Variants in SLC4A4 observed in about 807,000 individuals in gnomAD.
SLC4A4 encodes the protein electrogenic sodium bicarbonate cotransporter 1.
Under a neutral mutation model 111.5 loss-of-function variants are expected in SLC4A4, and 27 were observed. That is an observed-to-expected ratio of 0.24 (90% CI 0.18 to 0.33). The LOEUF is 0.33. SLC4A4 is among the 10% of genes least tolerant of loss of function. The pLI, the probability that SLC4A4 is intolerant of heterozygous loss-of-function variation, is 1.00. For missense variants in SLC4A4, 909 were observed against 1,315.5 expected, an observed-to-expected ratio of 0.69 and a Z score of 4.78; for synonymous variants, 443 against 463.4, an observed-to-expected ratio of 0.96 and a Z score of 0.57.
chr4:71,095,476 A>G (rs971298072), intron 2 of SLC4A4, among the ~76,000 whole-genome samples: 1 of 152,220 alleles, frequency 6.6e-6, no homozygotes, highest in Non-Finnish European at 1.5e-5. Flanking sequence ...GGACTTTCTA[A>G]TTAGCTGCTT....
chr4:71,553,831 G>A (rs545416914), intron 20 of SLC4A4, among the ~76,000 whole-genome samples: 1 of 151,926 alleles, frequency 6.6e-6, no homozygotes, highest in African/African-American at 2.4e-5. Context: ...AGGTATTACA[G>A]CTTCCCCAGC....
At chr4:71,356,275 T>C (rs1395475842) in intron 5 of SLC4A4, among the ~76,000 whole-genome samples, 1 of 152,158 alleles carries the variant, frequency 6.6e-6, no homozygotes, top group Non-Finnish European at 1.5e-5. Flanking sequence ...GTTAAAATCA[T>C]ACTAAAAAAA....
intron 3 of SLC4A4, among the ~76,000 whole-genome samples, chr4:71,304,789 TAA>T: frequency 6.6e-6 from 1 of 152,304 alleles, no homozygotes; most frequent in African/African-American, 2.4e-5. Context: ...CTCTACTGAT[TAA>T]AAAGAGATAG....
At chr4:71,392,638 A>C (rs1004611504) in intron 6 of SLC4A4, among the ~76,000 whole-genome samples, 2 of 152,070 alleles carry the variant, frequency 1.3e-5, no homozygotes, top group African/African-American at 4.8e-5. Flanking sequence ...ATTCCACAAG[A>C]TAGAGAAAGA....
At chr4:71,195,919 A>G (rs186519502) in intron 1 of SLC4A4, among the ~76,000 whole-genome samples, 5 of 152,364 alleles carry the variant, frequency 3.3e-5, no homozygotes, top group African/African-American at 1.2e-4. Flanking sequence ...AATACAAACC[A>G]GGTTTTTGCA....
chr4:71,172,519 G>T (rs528238758), intron 2 of SLC4A4, among the ~76,000 whole-genome samples: 40 of 152,330 alleles, frequency 2.6e-4, no homozygotes, highest in African/African-American at 9.1e-4. Context: ...CTCTCAAAGT[G>T]CTGGGATTAC....
chr4:71,131,866 C>T (rs1743715475), intron 2 of SLC4A4, among the ~76,000 whole-genome samples: 1 of 152,136 alleles, frequency 6.6e-6, no homozygotes, highest in Admixed American at 6.5e-5. Flanking sequence ...CCACATTTTC[C>T]CATCTGTATC....
chr4:71,526,985 C>G (rs578020041), intron 16 of SLC4A4, among the ~76,000 whole-genome samples: 2 of 152,202 alleles, frequency 1.3e-5, no homozygotes, highest in Non-Finnish European at 2.9e-5. Flanking sequence ...ATTGGACCCA[C>G]CTGTTTAATT....
intron 2 of SLC4A4, among the ~76,000 whole-genome samples, chr4:71,249,241 G>A (rs1720891227): frequency 6.6e-6 from 1 of 151,850 alleles, no homozygotes; most frequent in South Asian, 2.1e-4. Flanking sequence ...AATAGGTAGC[G>A]TTAAAATTAA....
chr4:71,107,265 C>G (rs140627957), intron 2 of SLC4A4, among the ~76,000 whole-genome samples: 63 of 152,118 alleles, frequency 4.1e-4, no homozygotes, highest in Non-Finnish European at 7.9e-4. Flanking sequence ...TGCCATTTTG[C>G]TACTTGTTTT....
chr4:71,283,604 A>G (rs1432613744), intron 3 of SLC4A4, among the ~76,000 whole-genome samples: 3 of 152,128 alleles, frequency 2.0e-5, no homozygotes, highest in Non-Finnish European at 4.4e-5. Flanking sequence ...TTTTGAGTCA[A>G]CATTATTTCT....
intron 15 of SLC4A4, among the ~76,000 whole-genome samples, chr4:71,490,568 A>G (rs1173985296): frequency 1.3e-5 from 2 of 151,730 alleles, no homozygotes; most frequent in Non-Finnish European, 2.9e-5. Context: ...GCCCTTTCCA[A>G]AGTGGTTGAA....
chr4:71,402,575 GTT>G (rs1311382137), intron 7 of SLC4A4, among the ~76,000 whole-genome samples: 1 of 152,188 alleles, frequency 6.6e-6, no homozygotes, highest in African/African-American at 2.4e-5. Flanking sequence ...TCTTTAGCAT[GTT>G]TTCAGGGAGC....
chr4:71,382,253 G>A (rs981406226), intron 6 of SLC4A4, among the ~76,000 whole-genome samples: 10 of 152,230 alleles, frequency 6.6e-5, no homozygotes, highest in African/African-American at 2.4e-4. Flanking sequence ...AAGGCCTGTT[G>A]GTGAGGATAT....
chr4:71,389,172 T>G (rs1332099721), intron 6 of SLC4A4, among the ~76,000 whole-genome samples: 1 of 152,224 alleles, frequency 6.6e-6, no homozygotes, highest in Non-Finnish European at 1.5e-5. Context: ...ATAGTATTTA[T>G]GAAGCCTAAT....
chr4:71,283,092 G>C (rs1478049264), intron 3 of SLC4A4, among the ~76,000 whole-genome samples: 2 of 152,188 alleles, frequency 1.3e-5, no homozygotes, highest in Non-Finnish European at 2.9e-5. Context: ...AAAAAGGTAT[G>C]CTACTCTTCA....
intron 7 of SLC4A4, among the ~76,000 whole-genome samples, chr4:71,424,737 A>G (rs1173582408): frequency 6.6e-6 from 1 of 152,122 alleles, no homozygotes; most frequent in Non-Finnish European, 1.5e-5. Flanking sequence ...AAACTATCGC[A>G]AGAACAAAAA....
intron 2 of SLC4A4, among the ~76,000 whole-genome samples, chr4:71,248,276 A>C (rs1720820147): frequency 6.6e-6 from 1 of 152,026 alleles, no homozygotes; most frequent in Non-Finnish European, 1.5e-5. Context: ...GGAAGGGAGA[A>C]ATAGGATCAA....
chr4:71,175,540 G>GTGGCTTGGAGGGTCCTACGCCCA (rs1745064956), intron 2 of SLC4A4, among the ~76,000 whole-genome samples: 2 of 152,234 alleles, frequency 1.3e-5, no homozygotes, highest in African/African-American at 4.8e-5. Flanking sequence ...TATCCCGCGC[G>GTGGCTTGGAGGGTCCTACGCCCA]TGGCTTGGAG....
Sources: gnomAD v4.1 joint callset for allele counts (sites outside exome capture counted in the v4.1 genomes callset) on GRCh38, gnomAD v4.1.1 for gene constraint, MANE v1.5 for transcripts, NCBI Gene and HGNC (gene_info 2026-07-23, HGNC 2026-07-21) for gene names.